AGBL2: variants seen among roughly 807,000 people sequenced by gnomAD.
AGBL2 encodes AGBL carboxypeptidase 2, also known as cytosolic carboxypeptidase 2.
A neutral mutation model predicts 103.0 loss-of-function variants in AGBL2; 87 were observed. The ratio of observed to expected loss-of-function variants is 0.84; its 90% CI spans 0.71 to 1.01. The LOEUF (loss-of-function observed/expected upper bound fraction) is 1.01, where lower values mean the gene tolerates loss of function less well. Ranked by LOEUF, AGBL2 falls within the 50% of genes least tolerant of loss-of-function variation. AGBL2 has a pLI of 0.00. For missense variants in AGBL2, 904 were observed against 1,023.5 expected (o/e 0.88, Z 1.59); for synonymous variants, 335 against 356.7 (o/e 0.94, Z 0.69).
chr11:47,686,174 C>A, intron 10 of AGBL2, 125 bp from the exon 11 acceptor site: 1 of 961,088 alleles, frequency 1.0e-6, no homozygotes, highest in South Asian at 1.7e-5. Context: ...ATCTCAACTC[C>A]ATTGGCCTTC....
chr11:47,660,635 C>CCT (rs2097325583), intron 18 of AGBL2, among the ~76,000 whole-genome samples: 1 of 151,108 alleles, frequency 6.6e-6, no homozygotes, highest in Non-Finnish European at 1.5e-5. Flanking sequence ...CTCACTGCAA[C>CCT]CTCTGCCTTC....
At chr11:47,670,770 G>A (rs2097354981) in intron 14 of AGBL2, among the ~76,000 whole-genome samples, 1 of 151,740 alleles carries the variant, frequency 6.6e-6, no homozygotes, top group South Asian at 2.1e-4. Flanking sequence ...GAGGCTTAAA[G>A]ATCTCTTGAG....
chr11:47,662,163 T>C (rs1163977130), intron 18 of AGBL2, among the ~76,000 whole-genome samples: 1 of 151,786 alleles, frequency 6.6e-6, no homozygotes, highest in Non-Finnish European at 1.5e-5. Context: ...TTTTTTAAAG[T>C]TTTTATATTT....
chr11:47,683,756 G>A (rs1164435652), intron 11 of AGBL2, among the ~76,000 whole-genome samples: 1 of 150,064 alleles, frequency 6.7e-6, no homozygotes, highest in African/African-American at 2.5e-5. Context: ...GGGAGACAGA[G>A]TGAGACTCCA....
intron 7 of AGBL2, among the ~76,000 whole-genome samples, chr11:47,702,532 G>A (rs746577142): frequency 1.3e-5 from 2 of 152,194 alleles, no homozygotes; most frequent in East Asian, 1.9e-4. Context: ...ACTGTACTTA[G>A]CATATAACAA....
At chr11:47,661,317 T>C (rs1477695145) in intron 18 of AGBL2, among the ~76,000 whole-genome samples, 4 of 152,204 alleles carry the variant, frequency 2.6e-5, no homozygotes, top group Non-Finnish European at 5.9e-5. Context: ...CTCATAGCCT[T>C]CCAGCAATGA....
At chr11:47,694,741 G>T (rs368635332) in intron 8 of AGBL2, among the ~76,000 whole-genome samples, 2 of 152,186 alleles carry the variant, frequency 1.3e-5, no homozygotes, top group East Asian at 3.8e-4. Flanking sequence ...GGTCTACATT[G>T]TCCTCCTCCC....
At chr11:47,662,962 A>G (rs890187901) in intron 18 of AGBL2, 64 bp downstream of exon 18, 5 of 1,309,056 alleles carry the variant, frequency 3.8e-6, no homozygotes, top group South Asian at 2.5e-5. Context: ...CACATAATAC[A>G]TTTGAGAACT....
At position 47,690,143 on chromosome 11, in the gene AGBL2, T is replaced by A. The variant is rs1167651867; in HGVS notation, c.1564A>T (p.Arg522Trp). 6.2e-7 allele frequency: 1 copy of A among 1,614,016 alleles called. No homozygotes were observed. Among genetic ancestry groups the A allele is most frequent in the Non-Finnish European group, 8.5e-7 (1 of 1,180,022 alleles). Residue 522 changes from arginine to tryptophan, a missense_variant, in exon 10 of 19, where the codon AGG becomes TGG. Physicochemically the swap from Arg to Trp is moderately radical, Grantham distance 101 (BLOSUM62 -3). Transcript: ENST00000525123. ...TCCTTCAGAATGGTTTTATAATGCC[T>A]GTTCAAATCCCTTCCGGCCAAGGAA... ...RCSLAGRDLN[R>W]HYKTILKESF...
At chr11:47,692,426 TTTTG>T (rs2097451270) in intron 8 of AGBL2, among the ~76,000 whole-genome samples, 170 bp from the exon 9 acceptor site, 2 of 143,576 alleles carry the variant, frequency 1.4e-5, no homozygotes, top group African/African-American at 5.2e-5. Flanking sequence ...TTTTTTTTTT[TTTTG>T]GGACAGAGTC....
chr11:47,683,207 C>T (rs1161172539), intron 11 of AGBL2, among the ~76,000 whole-genome samples: 1 of 151,858 alleles, frequency 6.6e-6, no homozygotes, highest in African/African-American at 2.4e-5. Flanking sequence ...CCCGACTCTA[C>T]TAAAAATACA....
rs766308005 is a variant in AGBL2 at position 47,685,947 on chromosome 11, G to A, written c.1734C>T (p.Tyr578=). The change falls in exon 11 of 19, where the codon TAC becomes TAT. Residue 578 remains tyrosine, a synonymous_variant. Transcript: ENST00000525123. The part of the protein sequence containing the change: ...LYGCNNNNRK[Y]WLHERVFPLM... ...AAGGAAAGACTCGTTCATGAAGCCA[G>A]TATTTGCGATTGTTGTTATTACAGC... is the stretch of plus-strand genomic sequence containing the variant. 6 of 1,613,928 alleles carry A rather than the reference G, an allele frequency of 3.7e-6. No individual in the cohort carries two copies. Among genetic ancestry groups the A allele is most frequent in the South Asian group, 3.3e-5 (3 of 91,078 alleles).
At chr11:47,689,798 C>T (rs2097437938) in intron 10 of AGBL2, among the ~76,000 whole-genome samples, 2 of 152,198 alleles carry the variant, frequency 1.3e-5, no homozygotes, top group South Asian at 4.1e-4. Flanking sequence ...ATGAACTCCC[C>T]TGAACTCTGA....
rs1031513844 is a variant in AGBL2 at position 47,659,941 on chromosome 11, T to C, written c.*232A>G. On this transcript the variant is annotated 3_prime_UTR_variant, in exon 19 of 19. Transcript: ENST00000525123. The stretch of plus-strand genomic sequence containing the variant: ...CACACTTCAGTTTCTGATAAAGCAT[T>C]TTTACACATCATAATAAAATTTCAT... 2 of 398,796 alleles carry C rather than the reference T, an allele frequency of 5.0e-6. No homozygotes were observed. Among genetic ancestry groups the C allele is most frequent in the Non-Finnish European group, 8.8e-6 (2 of 227,544 alleles). 24.7% of individuals were successfully genotyped at this position (398,796 alleles called of 1,614,324 possible). A position where few individuals can be genotyped will look rare whatever the true frequency, so the allele number is the denominator to read the frequency against.
chr11:47,700,675 A>C (rs1249835697), intron 7 of AGBL2, among the ~76,000 whole-genome samples: 2 of 152,214 alleles, frequency 1.3e-5, no homozygotes, highest in Admixed American at 6.5e-5. Flanking sequence ...AAGAGTAGCC[A>C]CTGATGAATT....
chr11:47,714,421 C>T (rs1290333512), intron 2 of AGBL2, 74 bp from the exon 3 acceptor site: 3 of 1,457,398 alleles, frequency 2.1e-6, no homozygotes, highest in African/African-American at 2.8e-5. Flanking sequence ...AGTACATGAG[C>T]GTTGTTGCAT....
chr11:47,667,622 C>T lies in AGBL2; in HGVS notation c.2289G>A (p.Gln763=). Residue 763 remains glutamine (Q), a synonymous_variant, in exon 16 of 19, where the codon CAG becomes CAA. Coordinates refer to ENST00000525123, the MANE Select transcript of AGBL2 (RefSeq NM_024783.4). ...TCTGCATCAAATTTTTTTTCTGATACTGCTCATTTCGCTGTTTCCTAGTCT... is the reference window on the plus strand; with the variant it reads ...TCTGCATCAAATTTTTTTTCTGATATTGCTCATTTCGCTGTTTCCTAGTCT... ...SLQTRKQRNE[Q]YQKKNLMQKL... is the part of the protein sequence containing the mutation. 1.2e-6 allele frequency: 2 copies of T among 1,613,848 alleles called. No homozygotes were observed. The highest frequency in any genetic ancestry group is 2.2e-5 in the South Asian group (2 of 91,078).
chr11:47,706,961 C>T (rs548709090), intron 4 of AGBL2, among the ~76,000 whole-genome samples: 15 of 130,758 alleles, frequency 1.1e-4, no homozygotes, highest in African/African-American at 3.5e-4. Flanking sequence ...CCAAGGCAGG[C>T]GGATCACTTG....
At position 47,668,908 on chromosome 11, in the gene AGBL2, C is replaced by T; in HGVS notation, c.2148-1G>A. 5 of 1,611,222 alleles carry T rather than the reference C, an allele frequency of 3.1e-6. No homozygotes were observed. The highest frequency in any genetic ancestry group is 4.2e-6 in the Non-Finnish European group (5 of 1,178,072). Reference sequence around the variant, plus strand: ...GAGAGAACTGTCAGAGCCACTGGTGCTGTTTCCAAAAGAAAAAAAGAAGAG... The same window carrying T: ...GAGAGAACTGTCAGAGCCACTGGTGTTGTTTCCAAAAGAAAAAAAGAAGAG... On this transcript the variant is annotated splice_acceptor_variant, in intron 14 of 18. Coordinates refer to ENST00000525123, the MANE Select transcript of AGBL2 (RefSeq NM_024783.4). LOFTEE classifies it high-confidence loss of function.
Sources: gnomAD v4.1 joint callset for allele counts (sites outside exome capture counted in the v4.1 genomes callset) on GRCh38, gnomAD v4.1.1 for gene constraint, MANE v1.5 for transcripts, NCBI Gene and HGNC (gene_info 2026-07-23, HGNC 2026-07-21) for gene names.